The following SPMIP7 variants were observed in gnomAD, a reference collection of about 807,000 sequenced individuals.
SPMIP7 encodes the protein sperm microtubule inner protein 7.
the SPMIP7 span, among the ~76,000 whole-genome samples, chr7:50,144,534 C>T: frequency 2.0e-5 from 3 of 152,104 alleles, no homozygotes; most frequent in African/African-American, 7.2e-5. Context: ...TTGTTGTAAA[C>T]AATATAGCAA....
the SPMIP7 span, among the ~76,000 whole-genome samples, chr7:50,100,961 C>T: frequency 6.6e-6 from 1 of 151,446 alleles, no homozygotes; most frequent in Non-Finnish European, 1.5e-5. Context: ...GTTTATTTTC[C>T]AGTGTCCCTT....
At chr7:50,123,610 A>G in the SPMIP7 span, among the ~76,000 whole-genome samples, 1 of 147,430 alleles carries the variant, frequency 6.8e-6, no homozygotes, top group South Asian at 2.2e-4. Context: ...AAAAGCTTGA[A>G]ATGTTTGTAC....
chr7:50,098,373 A>G, the SPMIP7 span, among the ~76,000 whole-genome samples: 1 of 152,190 alleles, frequency 6.6e-6, no homozygotes, highest in Non-Finnish European at 1.5e-5. Flanking sequence ...ATTGCAGTAG[A>G]TGATCCAGTC....
the SPMIP7 span, among the ~76,000 whole-genome samples, chr7:50,126,936 C>A: frequency 6.6e-6 from 1 of 151,770 alleles, no homozygotes. Context: ...ATGCAAAAGA[C>A]CTGGAATAGC....
At chr7:50,154,840 C>G in the SPMIP7 span, among the ~76,000 whole-genome samples, 26 of 152,326 alleles carry the variant, frequency 1.7e-4, no homozygotes, top group African/African-American at 6.3e-4. Flanking sequence ...TATCATTTCT[C>G]TACATGCTCA....
chr7:50,105,286 A>G, the SPMIP7 span, among the ~76,000 whole-genome samples: 2 of 152,216 alleles, frequency 1.3e-5, no homozygotes, highest in African/African-American at 2.4e-5. Flanking sequence ...ATATTCACAG[A>G]GTTGTGCAAC....
At chr7:50,106,105 T>C in the SPMIP7 span, among the ~76,000 whole-genome samples, 5 of 152,262 alleles carry the variant, frequency 3.3e-5, no homozygotes, top group African/African-American at 7.2e-5. Context: ...TAGTGGAAGC[T>C]AAGTAATATG....
At chr7:50,151,457 A>C in the SPMIP7 span, 2 of 1,550,622 alleles carry the variant, frequency 1.3e-6, no homozygotes, top group Non-Finnish European at 1.7e-6. Flanking sequence ...TAGTGCTGCA[A>C]ATATTCCAGG....
At chr7:50,125,115 T>C in the SPMIP7 span, among the ~76,000 whole-genome samples, 2,900 of 25,422 alleles carry the variant, frequency 0.11, 1,005 homozygotes, top group East Asian at 0.31. Flanking sequence ...TATATATATA[T>C]ACACACACAC....
chr7:50,156,688 A>G, the SPMIP7 span, among the ~76,000 whole-genome samples: 1 of 151,786 alleles, frequency 6.6e-6, no homozygotes, highest in Admixed American at 6.6e-5. Flanking sequence ...TCCCCCAGGA[A>G]GACACACTCT....
At chr7:50,106,845 TG>T in the SPMIP7 span, among the ~76,000 whole-genome samples, 2 of 152,230 alleles carry the variant, frequency 1.3e-5, no homozygotes, top group Non-Finnish European at 2.9e-5. Context: ...GTCTCACACC[TG>T]TAATCTTAGC....
the SPMIP7 span, chr7:50,141,382 C>G: frequency 6.5e-7 from 1 of 1,535,038 alleles, no homozygotes; most frequent in Non-Finnish European, 8.8e-7. Context: ...TATACAAACA[C>G]AAGTCGGTGA....
At chr7:50,096,940 G>C in the SPMIP7 span, among the ~76,000 whole-genome samples, 1 of 152,132 alleles carries the variant, frequency 6.6e-6, no homozygotes, top group African/African-American at 2.4e-5. Flanking sequence ...GTATCACTTT[G>C]ATAATTGTAT....
At chr7:50,157,823 T>C in the SPMIP7 span, among the ~76,000 whole-genome samples, 2 of 152,108 alleles carry the variant, frequency 1.3e-5, no homozygotes, top group African/African-American at 4.8e-5. Flanking sequence ...CCAGGCAGAA[T>C]AGGGAGTTTG....
At chr7:50,099,591 C>A in the SPMIP7 span, among the ~76,000 whole-genome samples, 1 of 152,142 alleles carries the variant, frequency 6.6e-6, no homozygotes, top group Non-Finnish European at 1.5e-5. Flanking sequence ...GAACCTCTGC[C>A]AACTGTTTTC....
At chr7:50,125,115 T>TATATATATATATATATATATACACAC in the SPMIP7 span, among the ~76,000 whole-genome samples, 2 of 25,416 alleles carry the variant, frequency 7.9e-5, no homozygotes, top group South Asian at 2.3e-3. Flanking sequence ...TATATATATA[T>TATATATATATATATATATATACACAC]ACACACACAC....
chr7:50,136,073 C>T, the SPMIP7 span: 1 of 1,516,692 alleles, frequency 6.6e-7, no homozygotes, highest in Non-Finnish European at 9.0e-7. Context: ...CATTAACTGT[C>T]ATTGATTTTG....
the SPMIP7 span, among the ~76,000 whole-genome samples, chr7:50,102,904 A>T: frequency 6.6e-6 from 1 of 150,906 alleles, no homozygotes; most frequent in African/African-American, 2.4e-5. Flanking sequence ...TGAAGCTCAG[A>T]TGGGTCGAAT....
chr7:50,154,331 T>C, the SPMIP7 span, among the ~76,000 whole-genome samples: 4 of 152,198 alleles, frequency 2.6e-5, no homozygotes, highest in African/African-American at 9.7e-5. Context: ...GGATCTTATG[T>C]CTCAGGCTTG....
Sources: gnomAD v4.1 joint callset for allele counts (sites outside exome capture counted in the v4.1 genomes callset) on GRCh38, gnomAD v4.1.1 for gene constraint, MANE v1.5 for transcripts, NCBI Gene and HGNC (gene_info 2026-07-23, HGNC 2026-07-21) for gene names.